The following DDX17 variants were observed in gnomAD, a reference collection of about 807,000 sequenced individuals.
DDX17 encodes probable ATP-dependent RNA helicase DDX17.
DDX17 carries 10 observed loss-of-function variants against 80.8 expected under a neutral mutation model. The observed-to-expected ratio is 0.12, with a 90% CI of 0.08 to 0.21. DDX17 has a LOEUF of 0.21. Ranked by LOEUF, DDX17 falls within the 10% of genes least tolerant of loss-of-function variation. The probability of loss-of-function intolerance (pLI) is 1.00; values close to 1 mark genes in which losing one functional copy is unlikely to be tolerated. For missense variants in DDX17, 586 were observed against 957.4 expected (o/e 0.61, Z 5.12); for synonymous variants, 339 against 336.2 (o/e 1.01, Z -0.09).
At chr22:38,498,328 A>G in intron 4 of DDX17, 112 bp downstream of exon 4, 8 of 1,474,714 alleles carry the variant, frequency 5.4e-6, no homozygotes, top group East Asian at 2.3e-5. Context: ...AATAACTAAA[A>G]TAGTATCTAA....
chr22:38,498,270 T>C (rs1222762264), intron 4 of DDX17, 120 bp from the exon 5 acceptor site: 1 of 1,382,030 alleles, frequency 7.2e-7, no homozygotes, highest in Admixed American at 2.2e-5. Context: ...ACCACTGCTA[T>C]ATACAGGAAG....
intron 11 of DDX17, 191 bp downstream of exon 11, chr22:38,491,864 GA>G (rs1220483437): frequency 9.5e-6 from 4 of 421,890 alleles, no homozygotes; most frequent in African/African-American, 5.9e-5. Flanking sequence ...GGGGGTGGGG[GA>G]AACCAAAGTT....
intron 1 of DDX17, among the ~76,000 whole-genome samples, chr22:38,503,302 A>G (rs1051687227): frequency 4.6e-5 from 7 of 152,246 alleles, no homozygotes; most frequent in African/African-American, 1.7e-4. Context: ...CTTGCAAATT[A>G]TAAAAGACTT....
chr22:38,503,462 T>C (rs2089850624), intron 1 of DDX17, among the ~76,000 whole-genome samples: 1 of 152,214 alleles, frequency 6.6e-6, no homozygotes. Flanking sequence ...TGGCTATTTA[T>C]TCAAGACATT....
Position 38,499,590 on chromosome 22 carries a change from A to C in DDX17, c.439-91T>G. ...AGCTAGCTGAGCAATTATCCAGTCCACAGCTATGTTGGCAAATATTTAATA... is the reference window on the plus strand; with the variant it reads ...AGCTAGCTGAGCAATTATCCAGTCCCCAGCTATGTTGGCAAATATTTAATA... On this transcript the variant is annotated intron_variant, in intron 2 of 12. Transcript: ENST00000403230. The C allele has an allele frequency of 4.0e-6, 4 of 998,588 alleles. No homozygotes were observed. In the South Asian group the frequency reaches 5.3e-5, roughly 13 times the overall value. The allele number at this position is 998,588 out of a possible 1,614,324, so 61.9% of individuals were successfully genotyped here. A position where few individuals can be genotyped will look rare whatever the true frequency, so the allele number is the denominator to read the frequency against.
At chr22:38,496,285 C>A (rs1358272825) in intron 5 of DDX17, among the ~76,000 whole-genome samples, 1 of 152,088 alleles carries the variant, frequency 6.6e-6, no homozygotes, top group Non-Finnish European at 1.5e-5. Context: ...GCATCCTAAA[C>A]CCCCAAAACC....
At chr22:38,502,334 A>T (rs2089838890) in intron 1 of DDX17, among the ~76,000 whole-genome samples, 1 of 151,868 alleles carries the variant, frequency 6.6e-6, no homozygotes. Flanking sequence ...GAACCGCTGG[A>T]ACTCGGAAGG....
intron 10 of DDX17, among the ~76,000 whole-genome samples, chr22:38,492,333 T>C (rs1047940187): frequency 7.2e-5 from 11 of 152,208 alleles, no homozygotes; most frequent in African/African-American, 9.7e-5. Flanking sequence ...TGTGGCAATT[T>C]GTTACATAAT....
At chr22:38,494,487 A>G (rs2089742236) in intron 8 of DDX17, 143 bp downstream of exon 8, 2 of 748,752 alleles carry the variant, frequency 2.7e-6, no homozygotes, top group African/African-American at 1.8e-5. Flanking sequence ...GACAAATGAT[A>G]TGATGATGGA....
At position 38,501,044 on chromosome 22, in the gene DDX17, C is replaced by T. The variant is rs1347840314; in HGVS notation, c.438+86G>A. On this transcript the variant is annotated intron_variant, in intron 2 of 12. Coordinates refer to ENST00000403230, the MANE Select transcript of DDX17 (RefSeq NM_006386.5). The stretch of plus-strand genomic sequence containing the variant: ...CACCACACTAGAATAAAATGTAAAA[C>T]GGCAACAGTAGCGTATGAATAAACT... The T allele has an allele frequency of 1.2e-5, 17 of 1,443,488 alleles. No individual in the cohort carries two copies. In the East Asian group the frequency reaches 2.4e-4, roughly 20 times the overall value. 89.4% of individuals were successfully genotyped at this position (1,443,488 alleles called of 1,614,324 possible).
At chr22:38,495,717 ACTTTTTTTCTCC>A in intron 6 of DDX17, 67 bp downstream of exon 6, 3 of 1,258,416 alleles carry the variant, frequency 2.4e-6, no homozygotes, top group Non-Finnish European at 3.2e-6. Flanking sequence ...ACAAGAACCC[ACTTTTTTTCTCC>A]AATTTCCTCC....
intron 1 of DDX17, among the ~76,000 whole-genome samples, chr22:38,501,634 C>T (rs1304817932): frequency 1.3e-5 from 2 of 152,194 alleles, no homozygotes; most frequent in African/African-American, 4.8e-5. Flanking sequence ...CTTCCACACA[C>T]CTTAGTTTCC....
chr22:38,493,879 A>T, intron 9 of DDX17, 108 bp from the exon 10 acceptor site: 1 of 1,262,826 alleles, frequency 7.9e-7, no homozygotes, highest in Non-Finnish European at 1.2e-6. Context: ...GTCAGGCTTC[A>T]TGAATAGATG....
chr22:38,485,725 G>T lies in DDX17; in HGVS notation c.*210C>A. On this transcript the variant is annotated 3_prime_UTR_variant, in exon 13 of 13. Coordinates refer to ENST00000403230, the MANE Select transcript of DDX17 (RefSeq NM_006386.5). ...TTTTTTTTTACAAAATGTTATTCCAGACTGGATCATTTTGGTGGGCAGAAG... is the reference window on the plus strand; with the variant it reads ...TTTTTTTTTACAAAATGTTATTCCATACTGGATCATTTTGGTGGGCAGAAG... 1 of 421,580 alleles carries T rather than the reference G, an allele frequency of 2.4e-6. No homozygotes were observed. The highest frequency in any genetic ancestry group is 4.2e-5 in the East Asian group (1 of 23,750). 26.1% of individuals were successfully genotyped at this position (421,580 alleles called of 1,614,324 possible). A position where few individuals can be genotyped will look rare whatever the true frequency, so the allele number is the denominator to read the frequency against.
chr22:38,486,365 C>T lies in DDX17; in HGVS notation c.1760G>A (p.Arg587Lys). ...GCCACCATCCTTGACTCCTCGAAGC[C>T]TTCGGTCACACTCATCCTGATACAT... is the stretch of plus-strand genomic sequence containing the variant. The change falls in exon 13 of 13, where the codon AGG (arginine) becomes AAG (lysine). Residue 587 changes from arginine to lysine, a missense_variant. Coordinates refer to ENST00000403230, the MANE Select transcript of DDX17 (RefSeq NM_006386.5). 1 of 1,614,188 alleles carries T rather than the reference C, an allele frequency of 6.2e-7. No homozygotes were observed. Among genetic ancestry groups the T allele is most frequent in the Non-Finnish European group, 8.5e-7 (1 of 1,180,026 alleles).
intron 1 of DDX17, among the ~76,000 whole-genome samples, chr22:38,503,975 C>CA (rs1232535080): frequency 6.6e-6 from 1 of 152,178 alleles, no homozygotes; most frequent in Non-Finnish European, 1.5e-5. Context: ...ATCTGATACT[C>CA]AAAGTATGGA....
intron 11 of DDX17, chr22:38,491,778 T>C (rs1389867029): frequency 9.7e-6 from 3 of 310,662 alleles, no homozygotes; most frequent in Non-Finnish European, 1.7e-5. Flanking sequence ...TCCCTCTGTT[T>C]GAATAGTCAT....
chr22:38,500,922 G>A (rs1406361831), intron 2 of DDX17, among the ~76,000 whole-genome samples: 1 of 148,492 alleles, frequency 6.7e-6, no homozygotes, highest in Non-Finnish European at 1.5e-5. Context: ...CTTGAGCTAG[G>A]GAGTTCAAGA....
intron 9 of DDX17, 103 bp from the exon 10 acceptor site, chr22:38,493,874 G>T: frequency 7.7e-7 from 1 of 1,302,758 alleles, no homozygotes; most frequent in Non-Finnish European, 1.1e-6. Context: ...GGTTTGTCAG[G>T]CTTCATGAAT....
Sources: allele counts gnomAD v4.1 joint callset (sites outside exome capture counted in the v4.1 genomes callset), GRCh38; gene constraint gnomAD v4.1.1; transcripts MANE v1.5; gene names NCBI Gene and HGNC (gene_info 2026-07-23, HGNC 2026-07-21).